Variants in WIF1 observed in about 807,000 individuals in gnomAD.
WIF1 encodes the protein Wnt inhibitory factor 1.
WIF1 carries 35 observed loss-of-function variants against 53.5 expected under a neutral mutation model. The observed-to-expected ratio is 0.65, with a 90% CI of 0.50 to 0.87. The LOEUF (loss-of-function observed/expected upper bound fraction) is 0.87, where lower values mean the gene tolerates loss of function less well. WIF1 is among the 40% of genes least tolerant of loss of function. The pLI is 0.00. For missense variants in WIF1, 467 were observed against 476.8 expected, an observed-to-expected ratio of 0.98 and a Z score of 0.19; for synonymous variants, 171 against 170.4, an observed-to-expected ratio of 1.00 and a Z score of -0.03.
intron 2 of WIF1, among the ~76,000 whole-genome samples, chr12:65,119,614 T>TA (rs11452048): frequency 0.13 from 19,276 of 152,140 alleles, 1,496 homozygotes; most frequent in African/African-American, 0.21. Context: ...ATGATTTTCA[T>TA]AGTAGACACA....
chr12:65,098,533 G>T lies in WIF1; in HGVS notation c.289-20679C>A, dbSNP rs545775472. Among the ~76,000 whole-genome samples, 5 of 152,194 alleles carry T rather than the reference G, an allele frequency of 3.3e-5. No homozygotes were observed. The East Asian group carries it at 9.7e-4, about 29-fold the overall frequency. On this transcript the variant is annotated intron_variant, in intron 2 of 9. Coordinates refer to ENST00000286574, the MANE Select transcript of WIF1 (RefSeq NM_007191.5). ...CACCAACCACTTCCGTTTTGCTATT[G>T]TTCAATACCTACTATGTCCTGGGCA...
At chr12:65,104,085 C>A (rs1337081154) in intron 2 of WIF1, among the ~76,000 whole-genome samples, 1 of 152,092 alleles carries the variant, frequency 6.6e-6, no homozygotes, top group African/African-American at 2.4e-5. Context: ...AAATGAGTGC[C>A]TTTAGCTCAC....
chr12:65,086,695 G>C (rs1048077433), intron 2 of WIF1, among the ~76,000 whole-genome samples: 50 of 132,264 alleles, frequency 3.8e-4, no homozygotes, highest in Non-Finnish European at 3.7e-4. Flanking sequence ...CTTTCCTAGT[G>C]TTTCTTTCTT....
At chr12:65,113,882 A>G (rs764361141) in intron 2 of WIF1, among the ~76,000 whole-genome samples, 5 of 152,208 alleles carry the variant, frequency 3.3e-5, no homozygotes, top group Non-Finnish European at 7.3e-5. Context: ...CTTTGAAACC[A>G]TGGAACAGGG....
At chr12:65,079,964 A>G (rs1882923291) in intron 2 of WIF1, among the ~76,000 whole-genome samples, 1 of 152,206 alleles carries the variant, frequency 6.6e-6, no homozygotes, top group Non-Finnish European at 1.5e-5. Context: ...TGACCCTACA[A>G]GCAATATAAA....
chr12:65,051,165 G>C lies in WIF1; in HGVS notation c.*184C>G. ...GAAACAAGAAAATCTATACCATCAT[G>C]CTACAGACGTACTTAGAAAACTTAA... On this transcript the variant is annotated 3_prime_UTR_variant, in exon 10 of 10. Coordinates refer to ENST00000286574, the MANE Select transcript of WIF1 (RefSeq NM_007191.5). The C allele has an allele frequency of 1.6e-6, 1 of 640,496 alleles. No individual in the cohort carries two copies. Among genetic ancestry groups the C allele is most frequent in the Non-Finnish European group, 2.4e-6 (1 of 424,010 alleles). The allele number at this position is 640,496 out of a possible 1,614,324, so 39.7% of individuals were successfully genotyped here. A position where few individuals can be genotyped will look rare whatever the true frequency, so the allele number is the denominator to read the frequency against.
chr12:65,055,789 A>C (rs1237202295), intron 8 of WIF1, among the ~76,000 whole-genome samples: 3 of 152,198 alleles, frequency 2.0e-5, no homozygotes, highest in Non-Finnish European at 4.4e-5. Flanking sequence ...AACAAAACAA[A>C]ACAAAACAAA....
intron 2 of WIF1, among the ~76,000 whole-genome samples, chr12:65,112,809 G>A (rs1290799777): frequency 6.6e-6 from 1 of 152,084 alleles, no homozygotes; most frequent in Non-Finnish European, 1.5e-5. Context: ...GCTCTTCCCT[G>A]GGAAGGCATT....
rs763786721 is a variant in WIF1, at chr12:65,077,861, C to A, written c.289-7G>T. 1.9e-6 allele frequency: 3 copies of A among 1,605,518 alleles called. No individual in the cohort carries two copies. Among genetic ancestry groups the A allele is most frequent in the South Asian group, 2.2e-5 (2 of 90,620 alleles). The stretch of plus-strand genomic sequence containing the variant: ...ATTCATAGAAGTATTCTGCCTACAA[C>A]CAAAGGCACTGACAGTTAGTAACAT... On this transcript the variant is annotated splice_region_variant and splice_polypyrimidine_tract_variant and intron_variant, in intron 2 of 9. Transcript: ENST00000286574.
At chr12:65,109,681 G>A (rs964288628) in intron 2 of WIF1, among the ~76,000 whole-genome samples, 3 of 152,222 alleles carry the variant, frequency 2.0e-5, no homozygotes, top group Non-Finnish European at 4.4e-5. Flanking sequence ...TGTCAGAGCA[G>A]ATCTGAGGAA....
At chr12:65,069,080 T>C (rs1235927640) in intron 3 of WIF1, among the ~76,000 whole-genome samples, 176 bp from the exon 4 acceptor site, 2 of 152,172 alleles carry the variant, frequency 1.3e-5, no homozygotes, top group African/African-American at 4.8e-5. Flanking sequence ...TCCACAGAAG[T>C]TGAGCATCAT....
chr12:65,083,131 A>G (rs1222274574), intron 2 of WIF1, among the ~76,000 whole-genome samples: 4 of 152,198 alleles, frequency 2.6e-5, no homozygotes, highest in Non-Finnish European at 5.9e-5. Context: ...TATTATTGTT[A>G]CAGCATACAA....
intron 3 of WIF1, 110 bp from the exon 4 acceptor site, chr12:65,069,014 T>C (rs2136616276): frequency 8.1e-7 from 1 of 1,233,216 alleles, no homozygotes; most frequent in East Asian, 2.5e-5. Context: ...TGTTCACATG[T>C]TGTGGATTTC....
At chr12:65,094,054 T>G (rs1169966286) in intron 2 of WIF1, among the ~76,000 whole-genome samples, 2 of 152,206 alleles carry the variant, frequency 1.3e-5, no homozygotes, top group African/African-American at 4.8e-5. Context: ...CTAACAGTCC[T>G]GCATAATACA....
chr12:65,096,765 A>G (rs1189916232), intron 2 of WIF1, among the ~76,000 whole-genome samples: 2 of 152,148 alleles, frequency 1.3e-5, no homozygotes, highest in Admixed American at 1.3e-4. Flanking sequence ...TAACACAGGA[A>G]CAGAAACTCA....
chr12:65,092,468 A>ATG (rs969587204), intron 2 of WIF1, among the ~76,000 whole-genome samples: 17 of 134,104 alleles, frequency 1.3e-4, no homozygotes, highest in African/African-American at 4.5e-4. Flanking sequence ...ACACATGTAT[A>ATG]TGTGTGTGTG....
intron 3 of WIF1, among the ~76,000 whole-genome samples, chr12:65,073,745 TCTC>T (rs1882817286): frequency 1.3e-5 from 2 of 152,314 alleles, no homozygotes; most frequent in African/African-American, 2.4e-5. Context: ...TACCTTCACT[TCTC>T]CTACTGAGGG....
At chr12:65,095,005 T>C (rs901408352) in intron 2 of WIF1, among the ~76,000 whole-genome samples, 2 of 151,794 alleles carry the variant, frequency 1.3e-5, no homozygotes, top group African/African-American at 4.8e-5. Context: ...CAATTTTGAC[T>C]CACTGCAGCC....
chr12:65,117,837 G>A (rs947553579), intron 2 of WIF1, among the ~76,000 whole-genome samples: 3 of 152,148 alleles, frequency 2.0e-5, no homozygotes, highest in African/African-American at 7.2e-5. Flanking sequence ...TGCTGCTGCC[G>A]ATCTGACAGG....
Sources: gnomAD v4.1 joint callset for allele counts (sites outside exome capture counted in the v4.1 genomes callset) on GRCh38, gnomAD v4.1.1 for gene constraint, MANE v1.5 for transcripts, NCBI Gene and HGNC (gene_info 2026-07-23, HGNC 2026-07-21) for gene names.